CDH2: variants seen among roughly 807,000 people sequenced by gnomAD.
CDH2 encodes the protein cadherin-2.
Under a neutral mutation model 92.0 loss-of-function variants are expected in CDH2, and 17 were observed. The observed-to-expected ratio is 0.18, with a 90% CI of 0.13 to 0.28. CDH2 has a LOEUF of 0.28. Among genes scored for constraint, CDH2 ranks in the 10% least tolerant of loss-of-function variants. The pLI, the probability that CDH2 is intolerant of heterozygous loss-of-function variation, is 1.00. For missense variants in CDH2, 862 were observed against 1,133.1 expected (o/e 0.76, Z 3.44); for synonymous variants, 419 against 415.9 (o/e 1.01, Z -0.09).
intron 2 of CDH2, among the ~76,000 whole-genome samples, chr18:28,111,455 A>C (rs17494697): frequency 6.6e-6 from 1 of 152,232 alleles, no homozygotes; most frequent in South Asian, 2.1e-4. Flanking sequence ...TCAAAGAAAA[A>C]GAAGGAAAGC....
At chr18:27,997,321 G>T (rs191497542) in intron 7 of CDH2, among the ~76,000 whole-genome samples, 2 of 152,292 alleles carry the variant, frequency 1.3e-5, no homozygotes, top group South Asian at 4.1e-4. Flanking sequence ...CCAGGCAATG[G>T]AGTATTTACT....
At chr18:27,955,537 A>G (rs1475378976) in intron 15 of CDH2, among the ~76,000 whole-genome samples, 2 of 151,810 alleles carry the variant, frequency 1.3e-5, no homozygotes, top group East Asian at 3.9e-4. Context: ...AATAAACACA[A>G]GAAGGGGTCT....
rs200448101 is a variant in CDH2 at position 27,984,991 on chromosome 18, A to G, written c.2209+9T>C. ...GAACTGAAATCTAAAAGACAATAAA[A>G]GTACTCACTAAGCAGGATGATGATG... On this transcript the variant is annotated intron_variant, in intron 13 of 15. Transcript: ENST00000269141. 1.5e-5 allele frequency: 24 copies of G among 1,597,832 alleles called. No individual in the cohort carries two copies. Among genetic ancestry groups the G allele is most frequent in the Non-Finnish European group, 2.0e-5 (23 of 1,165,408 alleles).
At chr18:28,137,309 G>C (rs2015879024) in intron 2 of CDH2, among the ~76,000 whole-genome samples, 1 of 152,078 alleles carries the variant, frequency 6.6e-6, no homozygotes, top group Non-Finnish European at 1.5e-5. Context: ...ACAACACAGA[G>C]TATAAATATT....
At position 28,095,172 on chromosome 18, in the gene CDH2, G is replaced by A. The variant is rs868553661; in HGVS notation, c.172+52501C>T. The stretch of plus-strand genomic sequence containing the variant: ...TACCAGGGCTTTTTCATATGTATAT[G>A]CTCCATGTCCAATAAAGCTTCGGAG... On this transcript the variant is annotated intron_variant, in intron 2 of 15. Coordinates refer to ENST00000269141, the MANE Select transcript of CDH2 (RefSeq NM_001792.5). Among the ~76,000 whole-genome samples, 6 of 152,038 alleles carry A rather than the reference G, an allele frequency of 3.9e-5. No homozygotes were observed. The South Asian group carries it at 6.2e-4, about 16-fold the overall frequency.
At chr18:28,092,030 A>T (rs1009693104) in intron 2 of CDH2, among the ~76,000 whole-genome samples, 11 of 151,852 alleles carry the variant, frequency 7.2e-5, no homozygotes, top group Non-Finnish European at 1.2e-4. Context: ...CTGTGTCCTA[A>T]GAACACCAAT....
rs548158255 is a variant in CDH2 at position 28,171,098 on chromosome 18, G to A, written c.60+5865C>T. Among the ~76,000 whole-genome samples, 8 of 152,064 alleles carry A rather than the reference G, an allele frequency of 5.3e-5. No individual in the cohort carries two copies. The East Asian group carries it at 1.6e-3, about 30-fold the overall frequency. Reference sequence around the variant, plus strand: ...AATATACAAAAATTAGCTGGGCATGGTGGCACACGTAATCCCAGCTACACA... The same window carrying A: ...AATATACAAAAATTAGCTGGGCATGATGGCACACGTAATCCCAGCTACACA... On this transcript the variant is annotated intron_variant, in intron 1 of 15. Coordinates refer to ENST00000269141, the MANE Select transcript of CDH2 (RefSeq NM_001792.5).
intron 2 of CDH2, among the ~76,000 whole-genome samples, chr18:28,043,530 T>C (rs1447695356): frequency 7.2e-6 from 1 of 139,048 alleles, no homozygotes; most frequent in Non-Finnish European, 1.6e-5. Flanking sequence ...AGGTTTGATT[T>C]GAAGTAGTTG....
intron 2 of CDH2, among the ~76,000 whole-genome samples, chr18:28,042,747 T>C (rs1224980087): frequency 6.6e-6 from 1 of 152,176 alleles, no homozygotes; most frequent in Non-Finnish European, 1.5e-5. Flanking sequence ...AATGTTAGCA[T>C]TCCTTCTGTT....
chr18:27,988,647 G>C lies in CDH2; in HGVS notation c.1618C>G (p.Pro540Ala). The change falls in exon 11 of 16, where the codon CCT (proline) becomes GCT (alanine). Residue 540 changes from proline to alanine, a missense_variant. Pro to Ala is a conservative substitution (Grantham distance 27). Around this residue, in one of 5 missense-constraint regions of CDH2, gnomAD observed 564 missense variants for 722.2 expected, o/e 0.78. Coordinates refer to ENST00000269141, the MANE Select transcript of CDH2 (RefSeq NM_001792.5). Reference sequence around the variant, plus strand: ...GGATCTATTTTTAGCCAATTGGCAGGATCAGATAATTTAGTGTATCTACAA... The same window carrying C: ...GGATCTATTTTTAGCCAATTGGCAGCATCAGATAATTTAGTGTATCTACAA... ...QNIRYTKLSD[P>A]ANWLKIDPVN... 1 of 1,604,224 alleles carries C rather than the reference G, an allele frequency of 6.2e-7. No homozygotes were observed. Among genetic ancestry groups the C allele is most frequent in the Admixed American group, 1.7e-5 (1 of 59,758 alleles).
chr18:28,037,596 C>A lies in CDH2; in HGVS notation c.173-23687G>T, dbSNP rs978676243. On this transcript the variant is annotated intron_variant, in intron 2 of 15. Transcript: ENST00000269141. The stretch of plus-strand genomic sequence containing the variant: ...GTTCCAGTAAGTTGCAGAAATAACC[C>A]AGAGCAGAAGAAAGGAGGCAATGAC... Among the ~76,000 whole-genome samples, 16 of 152,050 alleles carry A rather than the reference C, an allele frequency of 1.1e-4. 1 individual carries two copies. The highest frequency in any genetic ancestry group is 1.0e-3 in the South Asian group (5 of 4,824).
At chr18:27,994,168 G>A (rs28365280) in intron 7 of CDH2, among the ~76,000 whole-genome samples, 1 of 152,266 alleles carries the variant, frequency 6.6e-6, no homozygotes, top group East Asian at 1.9e-4. Context: ...TGATACATAT[G>A]ATTCAAAACC....
intron 2 of CDH2, among the ~76,000 whole-genome samples, chr18:28,044,538 A>G (rs1248118858): frequency 6.6e-6 from 1 of 152,134 alleles, no homozygotes; most frequent in African/African-American, 2.4e-5. Flanking sequence ...AAATATTCCA[A>G]TATTCTCTGT....
At chr18:28,036,130 T>G (rs928838183) in intron 2 of CDH2, among the ~76,000 whole-genome samples, 7 of 152,194 alleles carry the variant, frequency 4.6e-5, no homozygotes, top group Non-Finnish European at 1.0e-4. Flanking sequence ...AGTTTGTTGT[T>G]AAGTATTATC....
chr18:28,053,183 G>T (rs1450761185), intron 2 of CDH2, among the ~76,000 whole-genome samples: 1 of 151,888 alleles, frequency 6.6e-6, no homozygotes, highest in Non-Finnish European at 1.5e-5. Context: ...GCAGCCTGTG[G>T]TATTGTGTTA....
rs1244367372 is a variant in CDH2 at position 27,983,442 on chromosome 18, G to A, written c.2210-359C>T. On this transcript the variant is annotated intron_variant, in intron 13 of 15. Transcript: ENST00000269141. Reference sequence around the variant, plus strand: ...CCTTCATAGGGCCTTGTAAATTCTAGAGACACAAAACAGCAGTAAGGTGTT... The same window carrying A: ...CCTTCATAGGGCCTTGTAAATTCTAAAGACACAAAACAGCAGTAAGGTGTT... 7.2e-5 allele frequency among the ~76,000 whole-genome samples: 11 copies of A among 152,284 alleles called. No individual in the cohort carries two copies. The South Asian group carries it at 2.3e-3, about 32-fold the overall frequency.
intron 2 of CDH2, among the ~76,000 whole-genome samples, chr18:28,049,516 C>T (rs1273883897): frequency 1.3e-5 from 2 of 152,104 alleles, no homozygotes; most frequent in African/African-American, 4.8e-5. Flanking sequence ...AAAACATCCT[C>T]GGCTAGACTA....
At chr18:28,043,457 A>AATAAATATAT (rs1421035401) in intron 2 of CDH2, among the ~76,000 whole-genome samples, 1 of 57,080 alleles carries the variant, frequency 1.8e-5, no homozygotes, top group Admixed American at 2.3e-4. Flanking sequence ...TACTGATATA[A>AATAAATATAT]ATAAATATAT....
intron 2 of CDH2, among the ~76,000 whole-genome samples, chr18:28,112,521 C>G (rs1599109635): frequency 2.0e-5 from 3 of 152,178 alleles, no homozygotes; most frequent in African/African-American, 7.2e-5. Context: ...TCACTCATAA[C>G]TTCAAACGCA....
Sources: allele counts gnomAD v4.1 joint callset (sites outside exome capture counted in the v4.1 genomes callset), GRCh38; gene constraint gnomAD v4.1.1; regional missense constraint gnomAD v4.1.1; transcripts MANE v1.5; gene names NCBI Gene and HGNC (gene_info 2026-07-23, HGNC 2026-07-21).